Variants in CADPS2 observed in about 807,000 individuals in gnomAD.
The protein encoded by CADPS2 is calcium dependent secretion activator 2.
A neutral mutation model predicts 172.5 loss-of-function variants in CADPS2; 93 were observed. The observed-to-expected ratio is 0.54, with a 90% CI of 0.46 to 0.64. The LOEUF is 0.64. Ranked by LOEUF, CADPS2 falls within the 30% of genes least tolerant of loss-of-function variation. CADPS2 has a pLI of 0.00. For missense variants in CADPS2, 1,420 were observed against 1,565.9 expected (o/e 0.91, Z 1.57); for synonymous variants, 546 against 555.2 (o/e 0.98, Z 0.23).
intron 2 of CADPS2, among the ~76,000 whole-genome samples, chr7:122,683,165 G>A (rs2083242632): frequency 6.6e-6 from 1 of 152,170 alleles, no homozygotes; most frequent in Admixed American, 6.5e-5. Flanking sequence ...GAAAGGGGAT[G>A]GTGCAGGAAG....
chr7:122,815,154 A>C (rs1305491883), intron 1 of CADPS2, among the ~76,000 whole-genome samples: 2 of 152,164 alleles, frequency 1.3e-5, no homozygotes, highest in Non-Finnish European at 2.9e-5. Context: ...CAATAAAGAA[A>C]GTGGTTTGAG....
rs1333586204 is a variant in CADPS2, at chr7:122,698,248, T to C, written c.454-34679A>G. The C allele has an allele frequency of 1.9e-6, 3 of 1,613,860 alleles. No homozygotes were observed. The East Asian group carries it at 6.7e-5, about 36-fold the overall frequency. ...GTTCTGAAGATCTGTTGTTAATCGC[T>C]GCCATCTCCGGTTCTGAATCCTTGC... On this transcript the variant is annotated intron_variant, in intron 2 of 29. Transcript: ENST00000449022.
intron 1 of CADPS2, among the ~76,000 whole-genome samples, chr7:122,798,712 T>C (rs908275533): frequency 3.3e-5 from 5 of 152,122 alleles, no homozygotes; most frequent in African/African-American, 1.2e-4. Context: ...GAGAAACTTC[T>C]GTTTTACTAT....
chr7:122,480,340 T>A (rs2057143497), intron 12 of CADPS2, among the ~76,000 whole-genome samples: 1 of 135,808 alleles, frequency 7.4e-6, no homozygotes, highest in South Asian at 2.3e-4. Context: ...CTTAGTTTTT[T>A]AAAAAATAAG....
chr7:122,380,895 T>C (rs907787356), intron 24 of CADPS2, among the ~76,000 whole-genome samples: 2 of 152,056 alleles, frequency 1.3e-5, no homozygotes, highest in African/African-American at 4.8e-5. Context: ...GCTGATATTT[T>C]TGCTTTCGAG....
intron 2 of CADPS2, among the ~76,000 whole-genome samples, chr7:122,735,111 G>A (rs1051821607): frequency 6.6e-6 from 1 of 152,118 alleles, no homozygotes. Context: ...CCCAGGACCT[G>A]TTTCTGTAGT....
In CADPS2 at chr7:122,621,837, T is replaced by C. The variant is rs904722118; in HGVS notation, c.868-120A>G. 2.4e-4 allele frequency: 154 copies of C among 644,252 alleles called. 3 individuals are homozygous for C. The Admixed American group carries it at 4.1e-3, about 17-fold the overall frequency. 39.9% of individuals were successfully genotyped at this position (644,252 alleles called of 1,614,324 possible). ...AATTACAACACTCTCAATATATCTATCCTACTTGAGTCACTAGGCTGTAAA... is the reference window on the plus strand; with the variant it reads ...AATTACAACACTCTCAATATATCTACCCTACTTGAGTCACTAGGCTGTAAA... On this transcript the variant is annotated intron_variant, in intron 4 of 29. Coordinates refer to ENST00000449022, the MANE Select transcript of CADPS2 (RefSeq NM_017954.11).
chr7:122,766,265 C>T (rs1195931135), intron 1 of CADPS2, among the ~76,000 whole-genome samples: 1 of 152,054 alleles, frequency 6.6e-6, no homozygotes, highest in Non-Finnish European at 1.5e-5. Context: ...CACAACACTG[C>T]AACTTTGGGA....
At chr7:122,408,948 A>T (rs185607074) in intron 19 of CADPS2, among the ~76,000 whole-genome samples, 9 of 152,376 alleles carry the variant, frequency 5.9e-5, no homozygotes, top group Middle Eastern at 3.4e-3. Context: ...GACTTAAGGA[A>T]GAACAGTGTA....
At chr7:122,424,407 T>C (rs559370571) in intron 17 of CADPS2, 20 of 791,022 alleles carry the variant, frequency 2.5e-5, no homozygotes, top group Middle Eastern at 6.5e-4. Flanking sequence ...CACTAGAGTA[T>C]AGACCAATGA....
chr7:122,630,520 C>G (rs2076478757), intron 3 of CADPS2, among the ~76,000 whole-genome samples: 1 of 152,012 alleles, frequency 6.6e-6, no homozygotes, highest in African/African-American at 2.4e-5. Context: ...GAGAGAGAAG[C>G]AGGGCAACTT....
chr7:122,644,136 T>C (rs2078031187), intron 3 of CADPS2, among the ~76,000 whole-genome samples: 1 of 152,040 alleles, frequency 6.6e-6, no homozygotes, highest in Non-Finnish European at 1.5e-5. Flanking sequence ...AGGAAAAGAA[T>C]ATAAGACTAT....
intron 17 of CADPS2, among the ~76,000 whole-genome samples, chr7:122,422,753 G>A (rs932328333): frequency 1.3e-5 from 2 of 150,264 alleles, no homozygotes; most frequent in Admixed American, 6.6e-5. Flanking sequence ...TTAGGAGTTC[G>A]AGGCCAGCCT....
At chr7:122,483,070 C>A (rs575928679) in intron 11 of CADPS2, among the ~76,000 whole-genome samples, 1 of 152,120 alleles carries the variant, frequency 6.6e-6, no homozygotes, top group South Asian at 2.1e-4. Context: ...AAAATGCATC[C>A]TGGACTAAAC....
intron 8 of CADPS2, among the ~76,000 whole-genome samples, chr7:122,516,636 A>G (rs1482088210): frequency 6.6e-6 from 1 of 152,152 alleles, no homozygotes; most frequent in Non-Finnish European, 1.5e-5. Flanking sequence ...AAAATTAAAA[A>G]ATAATAATTT....
chr7:122,582,298 A>C (rs1324074699), intron 6 of CADPS2, among the ~76,000 whole-genome samples: 1 of 152,130 alleles, frequency 6.6e-6, no homozygotes, highest in African/African-American at 2.4e-5. Context: ...AAACTCAGTA[A>C]AGCAGGTATA....
At chr7:122,468,643 A>G (rs780985249) in intron 14 of CADPS2, among the ~76,000 whole-genome samples, 2 of 152,150 alleles carry the variant, frequency 1.3e-5, no homozygotes, top group African/African-American at 2.4e-5. Context: ...TGCCCCTTTT[A>G]TGTATGACAA....
intron 1 of CADPS2, among the ~76,000 whole-genome samples, chr7:122,876,867 G>A (rs1208802787): frequency 6.6e-6 from 1 of 152,026 alleles, no homozygotes; most frequent in African/African-American, 2.4e-5. Flanking sequence ...CTGGATGCAG[G>A]TAATTTCACG....
At chr7:122,522,656 T>C (rs1308213383) in intron 8 of CADPS2, among the ~76,000 whole-genome samples, 1 of 152,102 alleles carries the variant, frequency 6.6e-6, no homozygotes, top group Non-Finnish European at 1.5e-5. Flanking sequence ...ACAGTAGAAC[T>C]TATTCCTTCT....
Sources: allele counts gnomAD v4.1 joint callset (sites outside exome capture counted in the v4.1 genomes callset), GRCh38; gene constraint gnomAD v4.1.1; transcripts MANE v1.5; gene names NCBI Gene and HGNC (gene_info 2026-07-23, HGNC 2026-07-21).